Variants in GCM1 observed in about 807,000 individuals in gnomAD.
The protein encoded by GCM1 is GCM transcription factor 1.
In GCM1, 2 loss-of-function variants were observed where a neutral mutation model predicts 25.7. That is an observed-to-expected ratio of 0.08 (90% confidence interval 0.03 to 0.24). The LOEUF (loss-of-function observed/expected upper bound fraction) is 0.24, where lower values mean the gene tolerates loss of function less well. Ranked by LOEUF, GCM1 falls within the 10% of genes least tolerant of loss-of-function variation. The pLI, the probability that GCM1 is intolerant of heterozygous loss-of-function variation, is 1.00. For synonymous variants in GCM1, 183 were observed against 195.7 expected, an observed-to-expected ratio of 0.94 and a Z score of 0.54; for missense variants, 395 against 538.7, an observed-to-expected ratio of 0.73 and a Z score of 2.64.
At chr6:53,136,013 T>C (rs577099057) in intron 2 of GCM1, among the ~76,000 whole-genome samples, 125 of 152,378 alleles carry the variant, frequency 8.2e-4, no homozygotes, top group Non-Finnish European at 1.5e-3. Flanking sequence ...GCAGATGTGT[T>C]GTAAACTATA....
At chr6:53,144,967 G>GAAAA (rs1383473554) in intron 2 of GCM1, among the ~76,000 whole-genome samples, 2 of 101,114 alleles carry the variant, frequency 2.0e-5, no homozygotes, top group Admixed American at 9.8e-5. Flanking sequence ...AAGAAAGAAA[G>GAAAA]AAAGAAAATG....
At chr6:53,133,540 G>T (rs377357162) in intron 3 of GCM1, among the ~76,000 whole-genome samples, 1 of 152,070 alleles carries the variant, frequency 6.6e-6, no homozygotes, top group Non-Finnish European at 1.5e-5. Flanking sequence ...TGTGCGGCCT[G>T]GAGTGCAGTG....
At position 53,130,881 on chromosome 6, in the gene GCM1, C is replaced by T; in HGVS notation, c.492G>A (p.Glu164=). The change falls in exon 5 of 6, where the codon GAG becomes GAA. Residue 164 remains glutamate, a synonymous_variant. Coordinates refer to ENST00000259803, the MANE Select transcript of GCM1 (RefSeq NM_003643.4). ...HPKPETKLEA[E]ARRAMKKVNT... ...TCACTTTCTTCATGGCTCTTCTTGCCTCAGCTTCTAACTTGGTTTCTGGTT... is the reference window on the plus strand; with the variant it reads ...TCACTTTCTTCATGGCTCTTCTTGCTTCAGCTTCTAACTTGGTTTCTGGTT... 1.2e-6 allele frequency: 2 copies of T among 1,613,824 alleles called. No homozygotes were observed. The highest frequency in any genetic ancestry group is 2.7e-5 in the African/African-American group (2 of 75,048).
At chr6:53,132,312 G>A (rs1248936645) in intron 3 of GCM1, among the ~76,000 whole-genome samples, 193 bp from the exon 4 acceptor site, 1 of 152,194 alleles carries the variant, frequency 6.6e-6, no homozygotes, top group African/African-American at 2.4e-5. Flanking sequence ...GCCCACATGG[G>A]TCTCACACAT....
chr6:53,139,759 G>T (rs1667960012), intron 2 of GCM1, among the ~76,000 whole-genome samples: 2 of 152,100 alleles, frequency 1.3e-5, no homozygotes, highest in African/African-American at 4.8e-5. Flanking sequence ...TACACGGGAG[G>T]CTGAGACAGG....
intron 3 of GCM1, among the ~76,000 whole-genome samples, chr6:53,132,949 G>A (rs4544896): frequency 0.019 from 2,948 of 152,286 alleles, 43 homozygotes; most frequent in Middle Eastern, 0.054. Flanking sequence ...ATAATCCAGT[G>A]AATGTGTTTT....
At chr6:53,144,901 C>G (rs1274135965) in intron 2 of GCM1, among the ~76,000 whole-genome samples, 4 of 121,688 alleles carry the variant, frequency 3.3e-5, no homozygotes, top group Non-Finnish European at 4.8e-5. Context: ...GTTGACAGAG[C>G]CAGACCCTAC....
In GCM1 at chr6:53,128,326, A is replaced by T. The variant is rs1763673407; in HGVS notation, c.1191T>A (p.Pro397=). 9 of 1,614,056 alleles carry T rather than the reference A, an allele frequency of 5.6e-6. No individual in the cohort carries two copies. Among genetic ancestry groups the T allele is most frequent in the Non-Finnish European group, 7.6e-6 (9 of 1,179,950 alleles). Residue 397 remains proline (P), a synonymous_variant, in exon 6 of 6, where the codon CCT becomes CCA. Coordinates refer to ENST00000259803, the MANE Select transcript of GCM1 (RefSeq NM_003643.4). ...TGCTTGGCAGTGAATATTGCTGATG[A>T]GGATGAGAGGCGTAGGTGAAGAGAA... ...DPFLFTYASH[P]HQQYSLPSKS...
At chr6:53,134,569 G>A (rs1223756729) in intron 2 of GCM1, among the ~76,000 whole-genome samples, 1 of 152,232 alleles carries the variant, frequency 6.6e-6, no homozygotes, top group Non-Finnish European at 1.5e-5. Flanking sequence ...GCCCCTGTGA[G>A]TTCCATCTGA....
At chr6:53,133,117 C>T (rs951369413) in intron 3 of GCM1, among the ~76,000 whole-genome samples, 1 of 152,204 alleles carries the variant, frequency 6.6e-6, no homozygotes. Context: ...AAACTACTTT[C>T]TTCTAAATTT....
chr6:53,144,914 CAAAA>C (rs11286993), intron 2 of GCM1, among the ~76,000 whole-genome samples: 1 of 70,756 alleles, frequency 1.4e-5, no homozygotes, highest in Admixed American at 1.8e-4. Flanking sequence ...GACCCTACCT[CAAAA>C]AAAAAAAAAA....
Position 53,134,271 on chromosome 6 carries a change from G to A in GCM1, c.129C>T (p.His43=). ...FQEWPDSYAK[H]IYSSEDKNAQ... ...CATTCTTGTCCTCCGAGCTGTAGATGTGTTTGGCATAGGAATCTGGCCACT... is the reference window on the plus strand; with the variant it reads ...CATTCTTGTCCTCCGAGCTGTAGATATGTTTGGCATAGGAATCTGGCCACT... The change falls in exon 3 of 6, where the codon CAC becomes CAT. Residue 43 remains histidine, a synonymous_variant. Transcript: ENST00000259803. The A allele has an allele frequency of 6.2e-7, 1 of 1,614,144 alleles. No homozygotes were observed. The highest frequency in any genetic ancestry group is 2.2e-5 in the East Asian group (1 of 44,884).
At chr6:53,142,226 T>C (rs1033466591) in intron 2 of GCM1, among the ~76,000 whole-genome samples, 1 of 151,810 alleles carries the variant, frequency 6.6e-6, no homozygotes, top group African/African-American at 2.4e-5. Flanking sequence ...GAGAGTGAAA[T>C]TAGAGAAATT....
chr6:53,128,692 A>G lies in GCM1; in HGVS notation c.825T>C (p.Ser275=). The G allele has an allele frequency of 6.2e-7, 1 of 1,614,054 alleles. No individual in the cohort carries two copies. Among genetic ancestry groups the G allele is most frequent in the Non-Finnish European group, 8.5e-7 (1 of 1,179,884 alleles). Residue 275 remains serine, a synonymous_variant, in exon 6 of 6, where the codon AGT becomes AGC. Coordinates refer to ENST00000259803, the MANE Select transcript of GCM1 (RefSeq NM_003643.4). The part of the protein sequence containing the change: ...KRKLSSSRTY[S]SGDLLPPSAS... ...CAGAAGGAGGAAGCAGGTCTCCACT[A>G]CTGTAGGTTCTGCTACTGGACAATT...
At chr6:53,133,108 A>G (rs1470004310) in intron 3 of GCM1, among the ~76,000 whole-genome samples, 2 of 152,222 alleles carry the variant, frequency 1.3e-5, no homozygotes, top group Admixed American at 1.3e-4. Context: ...AAGTCCAATA[A>G]ACTACTTTCT....
chr6:53,133,956 A>G (rs1763762250), intron 3 of GCM1, 116 bp downstream of exon 3: 1 of 1,022,968 alleles, frequency 9.8e-7, no homozygotes, highest in Non-Finnish European at 1.4e-6. Context: ...CTTGGCTGCC[A>G]CTACACTCCA....
chr6:53,130,993 G>A (rs1301599266), intron 4 of GCM1, 62 bp from the exon 5 acceptor site: 2 of 1,479,620 alleles, frequency 1.4e-6, no homozygotes, highest in East Asian at 4.5e-5. Context: ...GTGTTTCATG[G>A]TGTATCAGTT....
chr6:53,132,446 C>G (rs1203312808), intron 3 of GCM1, among the ~76,000 whole-genome samples: 1 of 152,212 alleles, frequency 6.6e-6, no homozygotes, highest in African/African-American at 2.4e-5. Context: ...CACAGTGGCT[C>G]ACACCCATAA....
chr6:53,130,345 G>A (rs1763705928), intron 5 of GCM1, among the ~76,000 whole-genome samples: 1 of 152,152 alleles, frequency 6.6e-6, no homozygotes, highest in African/African-American at 2.4e-5. Flanking sequence ...TTGCCACCCT[G>A]GGACAGCTAT....
Sources: allele counts gnomAD v4.1 joint callset (sites outside exome capture counted in the v4.1 genomes callset), GRCh38; gene constraint gnomAD v4.1.1; transcripts MANE v1.5; gene names NCBI Gene and HGNC (gene_info 2026-07-23, HGNC 2026-07-21).